Variants in LMO7 observed in about 807,000 individuals in gnomAD.
LMO7 encodes the protein LIM domain only protein 7.
A neutral mutation model predicts 206.5 loss-of-function variants in LMO7; 120 were observed. The ratio of observed to expected loss-of-function variants is 0.58; its 90% CI spans 0.50 to 0.68. The LOEUF (loss-of-function observed/expected upper bound fraction) is 0.68. LMO7 is among the 30% of genes least tolerant of loss of function. The pLI, the probability that LMO7 is intolerant of heterozygous loss-of-function variation, is 0.00. For missense variants in LMO7, 1,959 were observed against 1,957.9 expected (o/e 1.00, Z -0.01); for synonymous variants, 706 against 681.5 (o/e 1.04, Z -0.56).
In LMO7 at chr13:75,834,237, G is replaced by C; in HGVS notation, c.3076G>C (p.Glu1026Gln). 6.3e-7 allele frequency: 1 copy of C among 1,590,988 alleles called. No homozygotes were observed. Among genetic ancestry groups the C allele is most frequent in the Non-Finnish European group, 8.6e-7 (1 of 1,169,154 alleles). The change falls in exon 17 of 31, where the codon GAA (glutamate) becomes CAA (glutamine). Residue 1026 changes from glutamate to glutamine, a missense_variant. Transcript: ENST00000377534. ...VASVEAGSPAEFSQLQVDDEI... is the reference protein window; with the variant it reads ...VASVEAGSPAQFSQLQVDDEI... ...TTTTGCATTTTTAGGTAGCCCAGCA[G>C]AATTTTCTCAGCTACAAGTAGATGA...
intron 5 of LMO7, among the ~76,000 whole-genome samples, chr13:75,795,806 T>A (rs2053936394): frequency 6.6e-6 from 1 of 152,010 alleles, no homozygotes; most frequent in Non-Finnish European, 1.5e-5. Flanking sequence ...CAACACACAT[T>A]GGGGCCTGTC....
intron 3 of LMO7, among the ~76,000 whole-genome samples, chr13:75,751,800 AG>A (rs1300543346): frequency 6.6e-6 from 1 of 152,184 alleles, no homozygotes; most frequent in African/African-American, 2.4e-5. Context: ...AAGTTTTTGC[AG>A]TAGTGGGTCT....
intron 2 of LMO7, among the ~76,000 whole-genome samples, chr13:75,715,476 C>T (rs2043460076): frequency 6.6e-6 from 1 of 152,172 alleles, no homozygotes; most frequent in African/African-American, 2.4e-5. Context: ...GGATTTTGTG[C>T]ATTGCCACAT....
At chr13:75,797,276 G>C (rs1192218478) in intron 6 of LMO7, among the ~76,000 whole-genome samples, 1 of 152,122 alleles carries the variant, frequency 6.6e-6, no homozygotes, top group African/African-American at 2.4e-5. Context: ...TTGATGTAAG[G>C]TTTTTAATTT....
chr13:75,677,984 A>G (rs2040167239), intron 1 of LMO7, among the ~76,000 whole-genome samples: 2 of 152,006 alleles, frequency 1.3e-5, no homozygotes, highest in African/African-American at 2.4e-5. Context: ...ATCATTTTTT[A>G]TGCCTGTATA....
intron 3 of LMO7, among the ~76,000 whole-genome samples, chr13:75,736,018 A>G (rs1314326537): frequency 6.6e-6 from 1 of 152,144 alleles, no homozygotes; most frequent in Non-Finnish European, 1.5e-5. Flanking sequence ...GAATGCTCGA[A>G]TTGTAGTGGT....
At chr13:75,783,069 A>G (rs2051790904) in intron 4 of LMO7, among the ~76,000 whole-genome samples, 1 of 152,170 alleles carries the variant, frequency 6.6e-6, no homozygotes, top group Admixed American at 6.5e-5. Flanking sequence ...TCAAAATGGA[A>G]TCTTTTTCTG....
chr13:75,691,570 A>G lies in LMO7; in HGVS notation c.70-21612A>G, dbSNP rs75662206. Among the ~76,000 whole-genome samples, 770 of 152,200 alleles carry G rather than the reference A, an allele frequency of 5.1e-3. 8 individuals carry two copies. Among genetic ancestry groups the G allele is most frequent in the African/African-American group, 0.018 (737 of 41,528 alleles). ...CTCTGGCCTCTGGAGCAGTTGTTCT[A>G]TGATGAACACTCCAGTGTTGATCTC... On this transcript the variant is annotated intron_variant, in intron 1 of 30. Transcript: ENST00000377534.
chr13:75,728,385 T>C (rs1487766493), intron 3 of LMO7, among the ~76,000 whole-genome samples: 19 of 152,202 alleles, frequency 1.2e-4, no homozygotes, highest in Non-Finnish European at 2.1e-4. Flanking sequence ...TGATGATGAG[T>C]ATTTTTTCAT....
At chr13:75,708,480 GT>G (rs1249231218) in intron 1 of LMO7, among the ~76,000 whole-genome samples, 1 of 152,214 alleles carries the variant, frequency 6.6e-6, no homozygotes, top group African/African-American at 2.4e-5. Context: ...CAGATTATAA[GT>G]GTCAGTGGCT....
intron 4 of LMO7, among the ~76,000 whole-genome samples, chr13:75,776,126 CATATAT>C (rs71127581): frequency 1.4e-5 from 1 of 73,826 alleles, no homozygotes; most frequent in Non-Finnish European, 2.8e-5. Context: ...TACATACATA[CATATAT>C]ATATATATAT....
chr13:75,721,584 G>C (rs2044022495), intron 2 of LMO7, among the ~76,000 whole-genome samples: 2 of 152,196 alleles, frequency 1.3e-5, no homozygotes. Context: ...TCATTCCTGA[G>C]TTACTTCACT....
Position 75,834,097 on chromosome 13 carries a change from G to T in LMO7, c.3065-129G>T, listed in dbSNP as rs529149290. On this transcript the variant is annotated intron_variant, in intron 16 of 30. Transcript: ENST00000377534. ...GATATTTGGTATTAAAAAAAATAGT[G>T]ACCTCCACCTGAAAAAGAGAGAAAT... 357 of 635,176 alleles carry T rather than the reference G, an allele frequency of 5.6e-4. No individual in the cohort carries two copies. In the African/African-American group the frequency reaches 6.1e-3, roughly 11 times the overall value. The allele number at this position is 635,176 out of a possible 1,614,324, so 39.3% of individuals were successfully genotyped here. A position where few individuals can be genotyped will look rare whatever the true frequency, so the allele number is the denominator to read the frequency against.
At chr13:75,730,208 A>C (rs2138724817) in intron 3 of LMO7, among the ~76,000 whole-genome samples, 1 of 152,276 alleles carries the variant, frequency 6.6e-6, no homozygotes, top group East Asian at 1.9e-4. Context: ...GAATGGTACC[A>C]GTTCCTCCTT....
chr13:75,796,754 G>A lies in LMO7; in HGVS notation c.462+5G>A. The A allele has an allele frequency of 4.6e-6, 7 of 1,513,114 alleles. 1 individual carries two copies. In the Middle Eastern group the frequency reaches 1.2e-3, roughly 257 times the overall value. The allele number at this position is 1,513,114 out of a possible 1,614,324, so 93.7% of individuals were successfully genotyped here. A position where few individuals can be genotyped will look rare whatever the true frequency, so the allele number is the denominator to read the frequency against. On this transcript the variant is annotated splice_donor_5th_base_variant and intron_variant, in intron 6 of 30. Coordinates refer to ENST00000377534, the MANE Select transcript of LMO7 (RefSeq NM_001306080.2). ...TTAGGACAAGCACTGACGAAGGTAAGTAAACTACATCTGTGTGAGATTACT... is the reference window on the plus strand; with the variant it reads ...TTAGGACAAGCACTGACGAAGGTAAATAAACTACATCTGTGTGAGATTACT...
rs539396529 is a variant in LMO7, at chr13:75,689,844, G to A, written c.70-23338G>A. Among the ~76,000 whole-genome samples, 13 of 152,292 alleles carry A rather than the reference G, an allele frequency of 8.5e-5. No homozygotes were observed. In the South Asian group the frequency reaches 2.7e-3, roughly 32 times the overall value. On this transcript the variant is annotated intron_variant, in intron 1 of 30. Transcript: ENST00000377534. ...CTTTTGAGGTTTTGGGACACGGACT[G>A]GCTTCCTTGCTTCTCAGCTTTTAGA...
At chr13:75,737,773 A>G (rs55731114) in intron 3 of LMO7, among the ~76,000 whole-genome samples, 11,778 of 34,588 alleles carry the variant, frequency 0.34, 1,673 homozygotes, top group African/African-American at 0.39. Flanking sequence ...AAAATAAAAT[A>G]AAATAAAATA....
intron 3 of LMO7, among the ~76,000 whole-genome samples, chr13:75,749,714 A>G (rs945938776): frequency 6.6e-6 from 1 of 152,086 alleles, no homozygotes; most frequent in Non-Finnish European, 1.5e-5. Flanking sequence ...TCTCTTGGCA[A>G]TTCCTTTAAG....
At chr13:75,668,613 ACT>A (rs2039276731) in intron 1 of LMO7, among the ~76,000 whole-genome samples, 1 of 152,110 alleles carries the variant, frequency 6.6e-6, no homozygotes, top group Admixed American at 6.5e-5. Flanking sequence ...ATGTCAACTC[ACT>A]TCCAGTAAAT....
Sources: allele counts gnomAD v4.1 joint callset (sites outside exome capture counted in the v4.1 genomes callset), GRCh38; gene constraint gnomAD v4.1.1; transcripts MANE v1.5; gene names NCBI Gene and HGNC (gene_info 2026-07-23, HGNC 2026-07-21).